ABCC8: variants seen among roughly 807,000 people sequenced by gnomAD.
The protein encoded by ABCC8 is ATP binding cassette subfamily C member 8, also known as ATP-binding cassette sub-family C member 8.
A neutral mutation model predicts 188.0 loss-of-function variants in ABCC8; 137 were observed. That is an observed-to-expected ratio of 0.73 (90% CI 0.63 to 0.84). ABCC8 has a LOEUF of 0.84. ABCC8 is among the 40% of genes least tolerant of loss of function. The pLI, the probability that ABCC8 is intolerant of heterozygous loss-of-function variation, is 0.00. For missense variants in ABCC8, 1,750 were observed against 2,072.7 expected, an observed-to-expected ratio of 0.84 and a Z score of 3.02; for synonymous variants, 797 against 846.5, an observed-to-expected ratio of 0.94 and a Z score of 1.01.
chr11:17,437,091 CAAAAA>C lies in ABCC8; in HGVS notation c.1631-4852_1631-4848del, dbSNP rs71047551. On this transcript the variant is annotated intron_variant, in intron 10 of 38. Coordinates refer to ENST00000389817, the MANE Select transcript of ABCC8 (RefSeq NM_000352.6). ...GGGCAACAAGAGTGAAACTCTGTCT[CAAAAA>C]AAAAAAAAAAAAAAAAAAAAAAGAC... Among the ~76,000 whole-genome samples the C allele has an allele frequency of 8.0e-4, 44 of 55,092 alleles. No individual in the cohort carries two copies. In the Middle Eastern group the frequency reaches 0.048, roughly 61 times the overall value. The allele number at this position is 55,092 out of a possible 152,430, so 36.1% of individuals were successfully genotyped here. A position where few individuals can be genotyped will look rare whatever the true frequency, so the allele number is the denominator to read the frequency against.
chr11:17,417,026 C>G, intron 16 of ABCC8, 64 bp from the exon 17 acceptor site: 1 of 1,610,446 alleles, frequency 6.2e-7, no homozygotes, highest in South Asian at 1.1e-5. Context: ...CTTTCCATCA[C>G]GCTGAGTCTT....
At chr11:17,422,594 T>C (rs185183970) in intron 16 of ABCC8, among the ~76,000 whole-genome samples, 1 of 152,300 alleles carries the variant, frequency 6.6e-6, no homozygotes, top group East Asian at 1.9e-4. Flanking sequence ...TCTTGATCAA[T>C]ACTTGGAATG....
At chr11:17,425,758 C>T (rs915510056) in intron 16 of ABCC8, among the ~76,000 whole-genome samples, 1 of 152,122 alleles carries the variant, frequency 6.6e-6, no homozygotes, top group Non-Finnish European at 1.5e-5. Flanking sequence ...CATAGGTATA[C>T]ACATGCCATG....
chr11:17,412,172 G>A (rs542922673), intron 21 of ABCC8, among the ~76,000 whole-genome samples: 105 of 152,304 alleles, frequency 6.9e-4, no homozygotes, highest in Non-Finnish European at 1.1e-3. Context: ...AATAACAGGC[G>A]TGAGCCACCG....
chr11:17,392,809 G>A, downstream of ABCC8: 2 of 708,154 alleles, frequency 2.8e-6, no homozygotes, highest in Non-Finnish European at 2.4e-6. Context: ...GCTTCTGCCT[G>A]ATGTCAGAGC....
In ABCC8 at chr11:17,461,168, G is replaced by C. The variant is rs905565259; in HGVS notation, c.822+415C>G. ...TCCTCAGTGATATGGGGAGATTCCT[G>C]TCTGGCTCAACTCATAGAGTTACCA... On this transcript the variant is annotated intron_variant, in intron 5 of 38. Transcript: ENST00000389817. 3.2e-5 allele frequency: 11 copies of C among 340,244 alleles called. No individual in the cohort carries two copies. The Admixed American group carries it at 3.5e-4, about 11-fold the overall frequency. 21.1% of individuals were successfully genotyped at this position (340,244 alleles called of 1,614,324 possible). A position where few individuals can be genotyped will look rare whatever the true frequency, so the allele number is the denominator to read the frequency against.
chr11:17,417,007 C>G, intron 16 of ABCC8, 45 bp from the exon 17 acceptor site: 1 of 1,613,638 alleles, frequency 6.2e-7, no homozygotes, highest in South Asian at 1.1e-5. Flanking sequence ...TTAGTTCCCA[C>G]CCCATTGCCT....
intron 7 of ABCC8, 107 bp downstream of exon 7, chr11:17,453,012 T>A: frequency 9.0e-7 from 1 of 1,116,716 alleles, no homozygotes; most frequent in Non-Finnish European, 1.4e-6. Context: ...AAAAAATAAA[T>A]TTACAGCAGA....
intron 2 of ABCC8, among the ~76,000 whole-genome samples, chr11:17,471,301 G>A (rs960946823): frequency 6.6e-6 from 1 of 152,174 alleles, no homozygotes; most frequent in African/African-American, 2.4e-5. Flanking sequence ...GGAGGGGGTG[G>A]GCAACCAAGG....
chr11:17,450,233 CTTTCT>C (rs1956708609), intron 7 of ABCC8, among the ~76,000 whole-genome samples: 1 of 107,644 alleles, frequency 9.3e-6, no homozygotes, highest in South Asian at 3.0e-4. Context: ...TCCCTAACTC[CTTTCT>C]TTTCTTTTTC....
At chr11:17,428,442 G>A (rs1327423302) in intron 13 of ABCC8, 37 bp from the exon 14 acceptor site, 1 of 1,607,976 alleles carries the variant, frequency 6.2e-7, no homozygotes, top group South Asian at 1.1e-5. Flanking sequence ...CACTGGGCTG[G>A]GAGCTGTGTA....
intron 19 of ABCC8, among the ~76,000 whole-genome samples, chr11:17,414,124 G>A (rs969942734): frequency 4.6e-5 from 7 of 152,198 alleles, no homozygotes; most frequent in Admixed American, 3.9e-4. Context: ...TGTACAAAGA[G>A]CTCGGCACTG....
intron 10 of ABCC8, among the ~76,000 whole-genome samples, chr11:17,438,602 A>G (rs1477342722): frequency 6.6e-6 from 1 of 152,226 alleles, no homozygotes; most frequent in African/African-American, 2.4e-5. Flanking sequence ...GTCCTCAGAT[A>G]CAGAGGAACC....
At chr11:17,400,783 G>T (rs1448686789) in intron 29 of ABCC8, among the ~76,000 whole-genome samples, 1 of 152,210 alleles carries the variant, frequency 6.6e-6, no homozygotes, top group Non-Finnish European at 1.5e-5. Context: ...TGCATCTGGA[G>T]AATGTGGCGA....
intron 10 of ABCC8, chr11:17,436,242 A>T: frequency 1.9e-6 from 1 of 535,058 alleles, no homozygotes; most frequent in Non-Finnish European, 3.5e-6. Flanking sequence ...CTCTCTGAAG[A>T]TCATCTTTTG....
chr11:17,432,947 C>T (rs781237103), intron 10 of ABCC8, among the ~76,000 whole-genome samples: 33 of 152,154 alleles, frequency 2.2e-4, no homozygotes, highest in Non-Finnish European at 4.4e-4. Context: ...TTTACCTTCC[C>T]CGTGCCTCAG....
At chr11:17,405,017 C>T (rs566056358) in intron 27 of ABCC8, among the ~76,000 whole-genome samples, 17 of 152,184 alleles carry the variant, frequency 1.1e-4, no homozygotes, top group South Asian at 8.3e-4. Context: ...CGCCTGCCTC[C>T]GCCTCCCAAA....
intron 29 of ABCC8, 89 bp from the exon 30 acceptor site, chr11:17,398,530 G>A: frequency 4.4e-6 from 7 of 1,578,600 alleles, no homozygotes; most frequent in Middle Eastern, 1.8e-4. Context: ...AGGCTCCAGG[G>A]CCCCTCCAGT....
At chr11:17,470,481 C>G (rs1848421311) in intron 2 of ABCC8, among the ~76,000 whole-genome samples, 1 of 152,136 alleles carries the variant, frequency 6.6e-6, no homozygotes. Context: ...GTCTCTTGAA[C>G]AGTGCAGGGG....
Sources: allele counts gnomAD v4.1 joint callset (sites outside exome capture counted in the v4.1 genomes callset), GRCh38; gene constraint gnomAD v4.1.1; transcripts MANE v1.5; gene names NCBI Gene and HGNC (gene_info 2026-07-23, HGNC 2026-07-21).